The following ANXA3 variants were observed in gnomAD, a reference collection of about 807,000 sequenced individuals.
ANXA3 encodes annexin A3, also known as 35-alpha calcimedin.
ANXA3 carries 46 observed loss-of-function variants against 48.8 expected under a neutral mutation model. The observed-to-expected ratio is 0.94, with a 90% CI of 0.74 to 1.21. The LOEUF is 1.21. Ranked by LOEUF, ANXA3 falls within the 50% of genes most tolerant of loss-of-function variation. ANXA3 has a pLI of 0.00. For synonymous variants in ANXA3, 128 were observed against 134.7 expected (o/e 0.95, Z 0.35); for missense variants, 383 against 378.6 (o/e 1.01, Z -0.10).
chr4:78,557,336 CT>C (rs1213707282), intron 2 of ANXA3, among the ~76,000 whole-genome samples: 3 of 152,164 alleles, frequency 2.0e-5, no homozygotes, highest in African/African-American at 7.2e-5. Context: ...AGACATTTCT[CT>C]GCTTTTAAGG....
In ANXA3 at chr4:78,592,612, T is replaced by C. The variant is rs558128464; in HGVS notation, c.483+989T>C. Among the ~76,000 whole-genome samples, 58 of 152,310 alleles carry C rather than the reference T, an allele frequency of 3.8e-4. No individual in the cohort carries two copies. In the South Asian group the frequency reaches 9.3e-3, roughly 25 times the overall value. ...AGAGTAGGGCTCTAGGACAGGGTTC[T>C]AGAATCAAACAGGGCTGGAATCTCA... is the stretch of plus-strand genomic sequence containing the variant. On this transcript the variant is annotated intron_variant, in intron 7 of 12. Coordinates refer to ENST00000264908, the MANE Select transcript of ANXA3 (RefSeq NM_005139.3).
intron 7 of ANXA3, among the ~76,000 whole-genome samples, chr4:78,592,234 C>G (rs1472282716): frequency 6.6e-6 from 1 of 152,132 alleles, no homozygotes; most frequent in Non-Finnish European, 1.5e-5. Context: ...ATGGTAAGGT[C>G]AAGGATGAGG....
chr4:78,598,784 C>T (rs541177414), intron 10 of ANXA3, among the ~76,000 whole-genome samples: 1 of 152,104 alleles, frequency 6.6e-6, no homozygotes, highest in South Asian at 2.1e-4. Context: ...AAGTGATCCG[C>T]CCACCTCTGC....
At chr4:78,584,942 T>C (rs1392135358) in intron 5 of ANXA3, among the ~76,000 whole-genome samples, 1 of 152,202 alleles carries the variant, frequency 6.6e-6, no homozygotes, top group African/African-American at 2.4e-5. Context: ...CGAGAAAACC[T>C]TGGTAGGCTG....
intron 3 of ANXA3, among the ~76,000 whole-genome samples, chr4:78,576,297 C>T (rs1722952353): frequency 6.6e-6 from 1 of 151,560 alleles, no homozygotes; most frequent in Non-Finnish European, 1.5e-5. Flanking sequence ...CTTCATTTAT[C>T]TCTTGATTTC....
At chr4:78,609,415 A>C (rs1723711765) in intron 12 of ANXA3, among the ~76,000 whole-genome samples, 1 of 152,218 alleles carries the variant, frequency 6.6e-6, no homozygotes, top group African/African-American at 2.4e-5. Flanking sequence ...CTCACGTAGT[A>C]TCTTTTCTGG....
chr4:78,582,602 G>T (rs1268154649), intron 5 of ANXA3, among the ~76,000 whole-genome samples: 1 of 152,086 alleles, frequency 6.6e-6, no homozygotes, highest in Non-Finnish European at 1.5e-5. Flanking sequence ...TTATCCTTGA[G>T]CCCTTGTTTT....
At chr4:78,575,679 A>G (rs937258699) in intron 3 of ANXA3, among the ~76,000 whole-genome samples, 1 of 152,216 alleles carries the variant, frequency 6.6e-6, no homozygotes. Flanking sequence ...ACAACGTGAA[A>G]TGGATTAATA....
At position 78,578,298 on chromosome 4, in the gene ANXA3, C is replaced by CGAGAGTGA. The variant is rs1451574068; in HGVS notation, c.104-724_104-723insTGAGAGAG. On this transcript the variant is annotated intron_variant, in intron 3 of 12. Transcript: ENST00000264908. ...GAAAGGGCGAAGGGGAGAGAGAGAGCGAGAGAGAGAGAGAGAGAGAGAGAG... is the reference window on the plus strand; with the variant it reads ...GAAAGGGCGAAGGGGAGAGAGAGAGCGAGAGTGAGAGAGAGAGAGAGAGAGAGAGAGAG... Among the ~76,000 whole-genome samples, 85 of 46,514 alleles carry CGAGAGTGA rather than the reference C, an allele frequency of 1.8e-3. 1 individual carries two copies. Among genetic ancestry groups the CGAGAGTGA allele is most frequent in the Non-Finnish European group, 2.9e-3 (69 of 24,012 alleles). 30.5% of individuals were successfully genotyped at this position (46,514 alleles called of 152,430 possible).
At chr4:78,562,302 C>A (rs1238095452) in intron 2 of ANXA3, among the ~76,000 whole-genome samples, 1 of 152,078 alleles carries the variant, frequency 6.6e-6, no homozygotes, top group Non-Finnish European at 1.5e-5. Flanking sequence ...GAGAATAAAT[C>A]AAAAGAGGAG....
chr4:78,610,227 T>C lies in ANXA3; in HGVS notation c.*112T>C, dbSNP rs1042515. The stretch of plus-strand genomic sequence containing the variant: ...AAATATAAACAGCAACTTGTGTTCC[T>C]AACAGGAATTTTCATTGTTCTATAA... On this transcript the variant is annotated 3_prime_UTR_variant, in exon 13 of 13. Transcript: ENST00000264908. 5 of 605,342 alleles carry C rather than the reference T, an allele frequency of 8.3e-6. No homozygotes were observed. The highest frequency in any genetic ancestry group is 1.4e-5 in the Non-Finnish European group (5 of 358,592). 37.5% of individuals were successfully genotyped at this position (605,342 alleles called of 1,614,324 possible). A position where few individuals can be genotyped will look rare whatever the true frequency, so the allele number is the denominator to read the frequency against.
At chr4:78,589,896 G>T (rs1723255065) in intron 6 of ANXA3, among the ~76,000 whole-genome samples, 1 of 152,172 alleles carries the variant, frequency 6.6e-6, no homozygotes, top group Non-Finnish European at 1.5e-5. Flanking sequence ...AAAGTCAATG[G>T]TGTGTGAGAG....
Position 78,604,333 on chromosome 4 carries a change from T to A in ANXA3, c.846T>A (p.Ile282=), listed in dbSNP as rs1277112541. 6.2e-7 allele frequency: 1 copy of A among 1,613,526 alleles called. No homozygotes were observed. Among genetic ancestry groups the A allele is most frequent in the Admixed American group, 1.7e-5 (1 of 60,028 alleles). ...LNRIMVSRSE[I]DLLDIRTEFK... ...GAATAATGGTGTCCAGATCAGAAAT[T>A]GACCTTTTGGACATTCGAACAGAGT... is the stretch of plus-strand genomic sequence containing the variant. The change falls in exon 12 of 13, where the codon ATT becomes ATA. Residue 282 remains isoleucine, a synonymous_variant. Transcript: ENST00000264908.
Position 78,557,779 on chromosome 4 carries a change from C to T in ANXA3, c.15+3291C>T, listed in dbSNP as rs897300670. Among the ~76,000 whole-genome samples the T allele has an allele frequency of 2.7e-5, 4 of 149,252 alleles. No homozygotes were observed. In the East Asian group the frequency reaches 7.9e-4, roughly 29 times the overall value. ...TGGCTCAGAGAGCAAACATTAGGAA[C>T]AACTCAGAACTGCTATGGAAAACAA... On this transcript the variant is annotated intron_variant, in intron 2 of 12. Transcript: ENST00000264908.
At position 78,554,459 on chromosome 4, in the gene ANXA3, C is replaced by G. The variant is rs759097206; in HGVS notation, c.-15C>G. 6.2e-7 allele frequency: 1 copy of G among 1,611,720 alleles called. No individual in the cohort carries two copies. The highest frequency in any genetic ancestry group is 2.2e-5 in the East Asian group (1 of 44,802). On this transcript the variant is annotated 5_prime_UTR_variant, in exon 2 of 13. Transcript: ENST00000264908. ...AGATTAGTGTGATCTCAGCTCAAGG[C>G]AAAGGTGGGATATCATGGCATCTAT...
At chr4:78,584,263 C>T (rs1035523030) in intron 5 of ANXA3, among the ~76,000 whole-genome samples, 1 of 152,168 alleles carries the variant, frequency 6.6e-6, no homozygotes, top group African/African-American at 2.4e-5. Context: ...ACTGCAGCCT[C>T]AACCTCCCTG....
At chr4:78,582,398 G>T (rs1347670108) in intron 5 of ANXA3, 108 bp downstream of exon 5, 7 of 682,914 alleles carry the variant, frequency 1.0e-5, no homozygotes, top group Non-Finnish European at 2.6e-6. Context: ...ATGCCCTTTT[G>T]GTCTGGACTC....
At chr4:78,574,953 A>G (rs1483201461) in intron 3 of ANXA3, among the ~76,000 whole-genome samples, 1 of 152,236 alleles carries the variant, frequency 6.6e-6, no homozygotes, top group African/African-American at 2.4e-5. Flanking sequence ...TCTGAAATGA[A>G]TGCAGAAATT....
chr4:78,576,084 T>C (rs1179009708), intron 3 of ANXA3, among the ~76,000 whole-genome samples: 1 of 152,166 alleles, frequency 6.6e-6, no homozygotes, highest in African/African-American at 2.4e-5. Context: ...AACACCACAT[T>C]GTCACAATTA....
Sources: allele counts gnomAD v4.1 joint callset (sites outside exome capture counted in the v4.1 genomes callset), GRCh38; gene constraint gnomAD v4.1.1; transcripts MANE v1.5; gene names NCBI Gene and HGNC (gene_info 2026-07-23, HGNC 2026-07-21).